SLC15A4: variants seen among roughly 807,000 people sequenced by gnomAD.
The protein encoded by SLC15A4 is solute carrier family 15 member 4, also known as hPHT1.
Under a neutral mutation model 46.1 loss-of-function variants are expected in SLC15A4, and 26 were observed. That is an observed-to-expected ratio of 0.56 (90% CI 0.41 to 0.78). The LOEUF (loss-of-function observed/expected upper bound fraction) is 0.78, where lower values mean the gene tolerates loss of function less well. Ranked by LOEUF, SLC15A4 falls within the 30% of genes least tolerant of loss-of-function variation. The pLI, the probability that SLC15A4 is intolerant of heterozygous loss-of-function variation, is 0.00. For missense variants in SLC15A4, 751 were observed against 755.7 expected, an observed-to-expected ratio of 0.99 and a Z score of 0.07; for synonymous variants, 370 against 333.4, an observed-to-expected ratio of 1.11 and a Z score of -1.20.
intron 7 of SLC15A4, 116 bp from the exon 8 acceptor site, chr12:128,794,472 A>G: frequency 9.7e-7 from 1 of 1,033,760 alleles, no homozygotes; most frequent in Non-Finnish European, 1.4e-6. Flanking sequence ...AAAAAAAGTA[A>G]CAAATGTTGT....
At chr12:128,800,163 T>G (rs1955498246) in intron 6 of SLC15A4, among the ~76,000 whole-genome samples, 1 of 152,292 alleles carries the variant, frequency 6.6e-6, no homozygotes, top group Non-Finnish European at 1.5e-5. Flanking sequence ...CAAAACTATT[T>G]TGGCAGGCCC....
chr12:128,809,002 C>T (rs1006647576), intron 4 of SLC15A4, 46 bp from the exon 5 acceptor site: 44 of 1,562,128 alleles, frequency 2.8e-5, no homozygotes, highest in Non-Finnish European at 3.8e-5. Context: ...GCAATACAGG[C>T]CATCACCTGT....
At chr12:128,811,598 A>C (rs1269293153) in intron 2 of SLC15A4, among the ~76,000 whole-genome samples, 2 of 152,244 alleles carry the variant, frequency 1.3e-5, no homozygotes, top group Non-Finnish European at 1.5e-5. Context: ...ATAAATTCCA[A>C]AGACATTATA....
intron 1 of SLC15A4, chr12:128,815,327 T>TGTGGAAAAACTTGAGTTTTTCCAAGTAG: frequency 4.8e-6 from 2 of 414,006 alleles, no homozygotes; most frequent in African/African-American, 2.0e-5. Flanking sequence ...TTTCCAAGTA[T>TGTGGAAAAACTTGAGTTTTTCCAAGTAG]ATTCTGCTGT....
chr12:128,800,243 G>A (rs924538647), intron 6 of SLC15A4, among the ~76,000 whole-genome samples: 8 of 152,084 alleles, frequency 5.3e-5, no homozygotes, highest in Non-Finnish European at 7.3e-5. Flanking sequence ...AGTCCATTCC[G>A]TTGTGATTTA....
chr12:128,823,040 G>A (rs1955872179), intron 1 of SLC15A4, among the ~76,000 whole-genome samples: 1 of 151,742 alleles, frequency 6.6e-6, no homozygotes, highest in Non-Finnish European at 1.5e-5. Flanking sequence ...GTCTCACTGT[G>A]TTGCCCAACC....
intron 1 of SLC15A4, among the ~76,000 whole-genome samples, chr12:128,821,174 G>A (rs1955830635): frequency 2.6e-5 from 4 of 152,136 alleles, no homozygotes; most frequent in Admixed American, 2.6e-4. Flanking sequence ...CTGAGCCTCA[G>A]GTATTCCTAC....
Position 128,800,920 on chromosome 12 carries a change from A to G in SLC15A4, c.1348T>C (p.Ser450Pro). 3 of 1,614,138 alleles carry G rather than the reference A, an allele frequency of 1.9e-6. No individual in the cohort carries two copies. The highest frequency in any genetic ancestry group is 2.5e-6 in the Non-Finnish European group (3 of 1,180,004). Residue 450 changes from serine (S) to proline (P), a missense_variant, in exon 6 of 8, where the codon TCG becomes CCG. By Grantham distance (74) the Ser-to-Pro change is moderately conservative (BLOSUM62 -1). Coordinates refer to ENST00000266771, the MANE Select transcript of SLC15A4 (RefSeq NM_145648.4). Reference protein sequence around the residue: ...GNVVYHAADLSLWWQVPQYLL... With the variant: ...GNVVYHAADLPLWWQVPQYLL... The stretch of plus-strand genomic sequence containing the variant: ...TACTGCGGCACCTGCCACCACAGCG[A>G]CAGATCGGCAGCATGGTAGACGACG...
intron 2 of SLC15A4, 45 bp downstream of exon 2, chr12:128,814,730 G>A (rs752030343): frequency 3.0e-5 from 48 of 1,588,098 alleles, no homozygotes; most frequent in Middle Eastern, 1.8e-4. Flanking sequence ...TAAAGAGATC[G>A]ATAAAGTCCT....
At chr12:128,806,062 G>A (rs1247811388) in intron 5 of SLC15A4, among the ~76,000 whole-genome samples, 17 of 151,298 alleles carry the variant, frequency 1.1e-4, no homozygotes, top group South Asian at 1.0e-3. Flanking sequence ...CCAGCTACTC[G>A]GAGAGGCTGA....
rs762615629 is a variant in SLC15A4, at chr12:128,794,331, G to T, written c.1599C>A (p.Asn533Lys). ...TAGCAGCCAGAAGAAAAAAGTAATAGTTCAAATAGCAGCCGTTAATATTAC... is the reference window on the plus strand; with the variant it reads ...TAGCAGCCAGAAGAAAAAAGTAATATTTCAAATAGCAGCCGTTAATATTAC... Reference protein sequence around the residue: ...DFGNINGCYLNYYFFLLAAIQ... With the variant: ...DFGNINGCYLKYYFFLLAAIQ... Residue 533 changes from asparagine to lysine, a missense_variant, in exon 8 of 8, where the codon AAC (asparagine) becomes AAA (lysine). By Grantham distance (94) the Asn-to-Lys change is moderately conservative (BLOSUM62 0). Coordinates refer to ENST00000266771, the MANE Select transcript of SLC15A4 (RefSeq NM_145648.4). The T allele has an allele frequency of 6.2e-7, 1 of 1,612,506 alleles. No individual in the cohort carries two copies. The highest frequency in any genetic ancestry group is 8.5e-7 in the Non-Finnish European group (1 of 1,179,274).
At chr12:128,798,851 G>A (rs1423013758) in intron 7 of SLC15A4, among the ~76,000 whole-genome samples, 1 of 152,222 alleles carries the variant, frequency 6.6e-6, no homozygotes. Flanking sequence ...GGTGCTGTTA[G>A]GAAAAGAAAA....
chr12:128,814,682 C>T (rs933841580), intron 2 of SLC15A4, 93 bp downstream of exon 2: 38 of 1,351,812 alleles, frequency 2.8e-5, no homozygotes, highest in Non-Finnish European at 3.4e-5. Context: ...AGGCCCAGCA[C>T]ACAATAAGCA....
At chr12:128,822,420 G>A (rs1037089847) in intron 1 of SLC15A4, among the ~76,000 whole-genome samples, 9 of 152,230 alleles carry the variant, frequency 5.9e-5, no homozygotes, top group Non-Finnish European at 1.2e-4. Context: ...TCAGCTTCCT[G>A]GCCCAGGGCC....
chr12:128,809,872 G>T, intron 3 of SLC15A4, 71 bp downstream of exon 3: 1 of 1,474,844 alleles, frequency 6.8e-7, no homozygotes. Flanking sequence ...CTTTAGAAAT[G>T]GCCAAAACAA....
In SLC15A4 at chr12:128,811,275, G is replaced by C. The variant is rs1955653111; in HGVS notation, c.843-1164C>G. On this transcript the variant is annotated intron_variant, in intron 2 of 7. Transcript: ENST00000266771. ...TGGGAAGCCAACAGAAATGGCACCT[G>C]TCAGCCTTCTAGTTTATTAACTCAT... Among the ~76,000 whole-genome samples the C allele has an allele frequency of 2.6e-5, 4 of 152,208 alleles. No individual in the cohort carries two copies. The South Asian group carries it at 8.3e-4, about 31-fold the overall frequency.
intron 6 of SLC15A4, among the ~76,000 whole-genome samples, chr12:128,799,770 G>A (rs1955493095): frequency 1.3e-5 from 2 of 152,174 alleles, no homozygotes; most frequent in African/African-American, 4.8e-5. Context: ...TCAAGGAATG[G>A]GAGTTTGAAA....
At position 128,793,699 on chromosome 12, in the gene SLC15A4, G is replaced by A. The variant is rs1955410536; in HGVS notation, c.*497C>T. On this transcript the variant is annotated 3_prime_UTR_variant, in exon 8 of 8. Coordinates refer to ENST00000266771, the MANE Select transcript of SLC15A4 (RefSeq NM_145648.4). Reference sequence around the variant, plus strand: ...AGGAAACCATAAATATGGCATTTATGTAAAATCCTTGCAGCATCTGACCAT... The same window carrying A: ...AGGAAACCATAAATATGGCATTTATATAAAATCCTTGCAGCATCTGACCAT... 5.9e-5 allele frequency: 9 copies of A among 151,292 alleles called. No individual in the cohort carries two copies. The highest frequency in any genetic ancestry group is 5.9e-4 in the Admixed American group (9 of 15,182). The allele number at this position is 151,292 out of a possible 1,614,324, so 9.4% of individuals were successfully genotyped here.
chr12:128,805,138 T>A (rs1170159462), intron 5 of SLC15A4, among the ~76,000 whole-genome samples: 1 of 152,164 alleles, frequency 6.6e-6, no homozygotes, highest in African/African-American at 2.4e-5. Flanking sequence ...GATGCAATTA[T>A]CCTTGGATAC....
Sources: gnomAD v4.1 joint callset for allele counts (sites outside exome capture counted in the v4.1 genomes callset) on GRCh38, gnomAD v4.1.1 for gene constraint, MANE v1.5 for transcripts, NCBI Gene and HGNC (gene_info 2026-07-23, HGNC 2026-07-21) for gene names.